The following EIPR1 variants were observed in gnomAD, a reference collection of about 807,000 sequenced individuals.
EIPR1 encodes the protein EARP complex and GARP complex interacting protein 1.
EIPR1 carries 25 observed loss-of-function variants against 48.1 expected under a neutral mutation model. The observed-to-expected ratio is 0.52, with a 90% confidence interval of 0.38 to 0.73. The LOEUF (loss-of-function observed/expected upper bound fraction) is 0.73, where lower values mean the gene tolerates loss of function less well. Ranked by LOEUF, EIPR1 falls within the 30% of genes least tolerant of loss-of-function variation. The pLI, the probability that EIPR1 is intolerant of heterozygous loss-of-function variation, is 0.00. For missense variants in EIPR1, 415 were observed against 506.2 expected (o/e 0.82, Z 1.73); for synonymous variants, 204 against 201.9 (o/e 1.01, Z -0.09).
chr2:3,214,415 T>C (rs978209055), intron 4 of EIPR1, 167 bp from the exon 5 acceptor site: 5 of 593,292 alleles, frequency 8.4e-6, no homozygotes, highest in African/African-American at 3.7e-5. Context: ...AACACTGTTG[T>C]TGTCTCACTG....
chr2:3,288,494 TA>T (rs1668273946), intron 3 of EIPR1, among the ~76,000 whole-genome samples: 1 of 151,502 alleles, frequency 6.6e-6, no homozygotes, highest in African/African-American at 2.4e-5. Context: ...GGTGGCAGAG[TA>T]AAAGACAGTT....
chr2:3,266,435 T>G (rs77536605), intron 3 of EIPR1, among the ~76,000 whole-genome samples: 1 of 152,250 alleles, frequency 6.6e-6, no homozygotes, highest in South Asian at 2.1e-4. Flanking sequence ...TAAAAATACC[T>G]TCCTCGATGG....
intron 3 of EIPR1, among the ~76,000 whole-genome samples, chr2:3,294,306 C>T (rs539897180): frequency 1.1e-4 from 17 of 150,492 alleles, no homozygotes; most frequent in African/African-American, 3.7e-4. Context: ...TCCATCCAGC[C>T]GATCCTCTCT....
chr2:3,308,273 C>A (rs923929164), intron 3 of EIPR1, among the ~76,000 whole-genome samples: 3 of 152,054 alleles, frequency 2.0e-5, no homozygotes, highest in Non-Finnish European at 4.4e-5. Flanking sequence ...AAAAGACAGT[C>A]AATGGACAGG....
chr2:3,311,756 G>T (rs1669136008), intron 3 of EIPR1, among the ~76,000 whole-genome samples: 1 of 151,716 alleles, frequency 6.6e-6, no homozygotes, highest in South Asian at 2.1e-4. Context: ...AGGGTGCAGG[G>T]GGCTCCACTC....
chr2:3,226,895 C>T (rs867307614), intron 4 of EIPR1, among the ~76,000 whole-genome samples: 1 of 152,214 alleles, frequency 6.6e-6, no homozygotes, highest in African/African-American at 2.4e-5. Context: ...TTGCCTGCTG[C>T]CATGTAAGAC....
chr2:3,316,749 C>T (rs1483988354), intron 3 of EIPR1, among the ~76,000 whole-genome samples: 2 of 152,238 alleles, frequency 1.3e-5, no homozygotes, highest in Admixed American at 1.3e-4. Context: ...AAGTTGGCTG[C>T]AGAACAGACG....
At chr2:3,268,547 T>A (rs1406276283) in intron 3 of EIPR1, among the ~76,000 whole-genome samples, 5 of 152,172 alleles carry the variant, frequency 3.3e-5, no homozygotes, top group Non-Finnish European at 5.9e-5. Flanking sequence ...GTGACTCTTC[T>A]ACCACACTTA....
At chr2:3,317,796 G>A (rs553543883) in intron 3 of EIPR1, among the ~76,000 whole-genome samples, 1 of 152,334 alleles carries the variant, frequency 6.6e-6, no homozygotes, top group African/African-American at 2.4e-5. Context: ...CACGTGCACA[G>A]AGGAGAGGCC....
At chr2:3,310,652 C>CA (rs751422009) in intron 3 of EIPR1, among the ~76,000 whole-genome samples, 2,012 of 53,614 alleles carry the variant, frequency 0.038, 63 homozygotes, top group African/African-American at 0.054. Flanking sequence ...GACTCCGTCT[C>CA]AAAAAAAAAA....
chr2:3,288,335 G>A (rs1458387113), intron 3 of EIPR1, among the ~76,000 whole-genome samples: 1 of 152,226 alleles, frequency 6.6e-6, no homozygotes, highest in Non-Finnish European at 1.5e-5. Flanking sequence ...TAGCAGTTTA[G>A]GAAATTGTCA....
intron 4 of EIPR1, among the ~76,000 whole-genome samples, chr2:3,215,601 A>T (rs1665605932): frequency 6.6e-6 from 1 of 152,260 alleles, no homozygotes; most frequent in Non-Finnish European, 1.5e-5. Flanking sequence ...TCTCTGGTGA[A>T]ATTCTTAAAT....
chr2:3,270,759 C>A (rs780904348), intron 3 of EIPR1, among the ~76,000 whole-genome samples: 2 of 152,172 alleles, frequency 1.3e-5, no homozygotes, highest in Admixed American at 6.5e-5. Flanking sequence ...GCCTTAATGG[C>A]AAAACTGATG....
chr2:3,330,198 G>A (rs950658133), intron 3 of EIPR1, among the ~76,000 whole-genome samples: 3 of 152,226 alleles, frequency 2.0e-5, no homozygotes, highest in Admixed American at 1.3e-4. Context: ...CACTCAATAC[G>A]TATAACCTCA....
At chr2:3,228,712 C>CA (rs1462747141) in intron 4 of EIPR1, among the ~76,000 whole-genome samples, 1 of 152,156 alleles carries the variant, frequency 6.6e-6, no homozygotes, top group Non-Finnish European at 1.5e-5. Flanking sequence ...ATAATTGAAT[C>CA]ATGGGGGCAA....
intron 3 of EIPR1, among the ~76,000 whole-genome samples, chr2:3,299,523 C>A (rs1668701981): frequency 6.6e-6 from 1 of 151,906 alleles, no homozygotes; most frequent in African/African-American, 2.4e-5. Flanking sequence ...TTTTAATGGG[C>A]AAATCATACT....
At chr2:3,277,504 C>T (rs925613924) in intron 3 of EIPR1, among the ~76,000 whole-genome samples, 4 of 152,234 alleles carry the variant, frequency 2.6e-5, no homozygotes, top group Non-Finnish European at 4.4e-5. Context: ...ACATTTACTT[C>T]GCCCTGCCTG....
chr2:3,365,951 CCGGGAGGGAGG>C (rs1670963378), intron 1 of EIPR1, among the ~76,000 whole-genome samples: 1 of 43,168 alleles, frequency 2.3e-5, no homozygotes, highest in Non-Finnish European at 8.5e-5. Context: ...GCCGCCCAGT[CCGGGAGGGAGG>C]TGGGGGGGTC....
At chr2:3,358,628 T>C (rs1353289632) in intron 1 of EIPR1, among the ~76,000 whole-genome samples, 1 of 152,236 alleles carries the variant, frequency 6.6e-6, no homozygotes, top group Non-Finnish European at 1.5e-5. Context: ...AAAAGGTGCA[T>C]ATATGCACAG....
Sources: allele counts gnomAD v4.1 joint callset (sites outside exome capture counted in the v4.1 genomes callset), GRCh38; gene constraint gnomAD v4.1.1; transcripts MANE v1.5; gene names NCBI Gene and HGNC (gene_info 2026-07-23, HGNC 2026-07-21).